The following DNAAF8 variants were observed in gnomAD, a reference collection of about 807,000 sequenced individuals.
The protein encoded by DNAAF8 is dynein axonemal-associated protein 1.
Under a neutral mutation model 54.6 loss-of-function variants are expected in DNAAF8, and 61 were observed. The observed-to-expected ratio is 1.12, with a 90% CI of 0.91 to 1.38. The LOEUF (loss-of-function observed/expected upper bound fraction) is 1.38, where lower values mean the gene tolerates loss of function less well. Among genes scored for constraint, DNAAF8 ranks in the 40% most tolerant of loss-of-function variants. The pLI, the probability that DNAAF8 is intolerant of heterozygous loss-of-function variation, is 0.00. For synonymous variants in DNAAF8, 320 were observed against 270.1 expected, an observed-to-expected ratio of 1.18 and a Z score of -1.81; for missense variants, 837 against 665.0, an observed-to-expected ratio of 1.26 and a Z score of -2.85.
intron 5 of DNAAF8, chr16:4,743,531 C>G (rs531102043): frequency 1.8e-5 from 3 of 170,562 alleles, no homozygotes; most frequent in African/African-American, 7.2e-5. Flanking sequence ...CTCCTAAGCA[C>G]GCTCCCGCTT....
At chr16:4,740,834 A>C (rs984203525) in intron 4 of DNAAF8, among the ~76,000 whole-genome samples, 175 bp downstream of exon 4, 3 of 152,128 alleles carry the variant, frequency 2.0e-5, no homozygotes, top group African/African-American at 7.2e-5. Flanking sequence ...CCAGCAGAGC[A>C]CATCCTGGGG....
At chr16:4,736,050 C>G (rs757798805) in intron 1 of DNAAF8, among the ~76,000 whole-genome samples, 2 of 151,964 alleles carry the variant, frequency 1.3e-5, no homozygotes, top group East Asian at 3.9e-4. Flanking sequence ...TCCACTGTTG[C>G]TATTTACTAA....
intron 7 of DNAAF8, 68 bp from the exon 8 acceptor site, chr16:4,746,859 A>C: frequency 7.2e-7 from 1 of 1,395,672 alleles, no homozygotes; most frequent in Non-Finnish European, 9.6e-7. Context: ...CGAGTGCTTC[A>C]AGCCCCAACA....
In DNAAF8 at chr16:4,745,013, T is replaced by C; in HGVS notation, c.1043+2T>C. 1 of 1,612,760 alleles carries C rather than the reference T, an allele frequency of 6.2e-7. No homozygotes were observed. Among genetic ancestry groups the C allele is most frequent in the Non-Finnish European group, 8.5e-7 (1 of 1,178,996 alleles). ...CAAAGAGGCAGATTCAGGAAGCAGG[T>C]GGGACTTGTAGCCAGGCCCGGCTCC... On this transcript the variant is annotated splice_donor_variant, in intron 6 of 9. Coordinates refer to ENST00000299320, the MANE Select transcript of DNAAF8 (RefSeq NM_139170.3). LOFTEE classifies it high-confidence loss of function.
At position 4,747,649 on chromosome 16, in the gene DNAAF8, G is replaced by A. The variant is rs745856757; in HGVS notation, c.*9+15G>A. The stretch of plus-strand genomic sequence containing the variant: ...AGCTGCCTCAGGTAGTGGGATCCCA[G>A]GAGTGGGCAGGGGCGGGCTGACTTG... On this transcript the variant is annotated intron_variant, in intron 9 of 9. Coordinates refer to ENST00000299320, the MANE Select transcript of DNAAF8 (RefSeq NM_139170.3). 6 of 1,586,772 alleles carry A rather than the reference G, an allele frequency of 3.8e-6. No homozygotes were observed. The East Asian group carries it at 1.1e-4, about 30-fold the overall frequency.
chr16:4,740,614 G>A lies in DNAAF8; in HGVS notation c.738G>A (p.Met246Ile). 6.2e-7 allele frequency: 1 copy of A among 1,611,586 alleles called. No homozygotes were observed. Among genetic ancestry groups the A allele is most frequent in the East Asian group, 2.2e-5 (1 of 44,880 alleles). The change falls in exon 4 of 10, where the codon ATG becomes ATA. Residue 246 changes from methionine to isoleucine, a missense_variant. Physicochemically the swap from Met to Ile is conservative, Grantham distance 10 (BLOSUM62 1). Transcript: ENST00000299320. ...CGGAGTCAGCTCCCAGATCCAAAATGCCCCTCGTGGAGCCTCCGGAGGGAC... is the reference window on the plus strand; with the variant it reads ...CGGAGTCAGCTCCCAGATCCAAAATACCCCTCGTGGAGCCTCCGGAGGGAC... ...HAAESAPRSK[M>I]PLVEPPEGPP...
At chr16:4,735,037 T>C (rs2081861449) in intron 1 of DNAAF8, 1 of 152,222 alleles carries the variant, frequency 6.6e-6, no homozygotes, top group South Asian at 2.1e-4. Context: ...GCTCCTCAAC[T>C]TGGCGTTCAG....
At chr16:4,747,215 G>A (rs1278230582) in intron 8 of DNAAF8, 128 bp from the exon 9 acceptor site, 6 of 1,297,566 alleles carry the variant, frequency 4.6e-6, no homozygotes, top group East Asian at 4.7e-5. Flanking sequence ...GCAGTGATGG[G>A]CTGCCTGAAT....
rs374072532 is a variant in DNAAF8, at chr16:4,745,002, C to G, written c.1034C>G (p.Ser345Ter). Reference protein sequence around the residue: ...DTPQDTKEADSGSRCASRKQG... With the variant: ...DTPQDTKEAD ...CCCCAGGACACCAAAGAGGCAGATT[C>G]AGGAAGCAGGTGGGACTTGTAGCCA... The change falls in exon 6 of 10, where the codon TCA (serine) becomes TGA (stop). Residue 345 changes from serine to a stop codon, truncating the protein, a stop_gained. Transcript: ENST00000299320. LOFTEE classifies it high-confidence loss of function. 1.2e-6 allele frequency: 2 copies of G among 1,613,330 alleles called. No homozygotes were observed. Among genetic ancestry groups the G allele is most frequent in the Non-Finnish European group, 1.7e-6 (2 of 1,179,422 alleles).
At position 4,745,013 on chromosome 16, in the gene DNAAF8, T is replaced by A. The variant is rs1050218123; in HGVS notation, c.1043+2T>A. On this transcript the variant is annotated splice_donor_variant, in intron 6 of 9. Coordinates refer to ENST00000299320, the MANE Select transcript of DNAAF8 (RefSeq NM_139170.3). LOFTEE classifies it high-confidence loss of function. ...CAAAGAGGCAGATTCAGGAAGCAGGTGGGACTTGTAGCCAGGCCCGGCTCC... is the reference window on the plus strand; with the variant it reads ...CAAAGAGGCAGATTCAGGAAGCAGGAGGGACTTGTAGCCAGGCCCGGCTCC... 5.6e-6 allele frequency: 9 copies of A among 1,612,642 alleles called. No individual in the cohort carries two copies. In the Admixed American group the frequency reaches 1.5e-4, roughly 27 times the overall value.
chr16:4,747,652 G>C lies in DNAAF8; in HGVS notation c.*9+18G>C, dbSNP rs760541942. On this transcript the variant is annotated intron_variant, in intron 9 of 9. Transcript: ENST00000299320. ...TGCCTCAGGTAGTGGGATCCCAGGA[G>C]TGGGCAGGGGCGGGCTGACTTGCCA... The C allele has an allele frequency of 5.7e-6, 9 of 1,582,196 alleles. No individual in the cohort carries two copies. The highest frequency in any genetic ancestry group is 2.7e-5 in the African/African-American group (2 of 74,110).
At chr16:4,746,871 G>C in intron 7 of DNAAF8, 56 bp from the exon 8 acceptor site, 1 of 1,440,486 alleles carries the variant, frequency 6.9e-7, no homozygotes, top group Non-Finnish European at 9.3e-7. Context: ...GCCCCAACAA[G>C]AGTTGGAACA....
At chr16:4,742,573 TGAA>T (rs1438686238) in intron 4 of DNAAF8, among the ~76,000 whole-genome samples, 6 of 125,104 alleles carry the variant, frequency 4.8e-5, no homozygotes, top group Admixed American at 1.6e-4. Context: ...AAAAAAAAAA[TGAA>T]GGGTGTGGTG....
chr16:4,739,390 G>A (rs974244730), intron 3 of DNAAF8, among the ~76,000 whole-genome samples: 2 of 146,680 alleles, frequency 1.4e-5, no homozygotes, highest in Non-Finnish European at 3.0e-5. Flanking sequence ...ACTCTAGCTT[G>A]GGGTATGAAT....
At chr16:4,748,433 G>C (rs1456635980) in intron 9 of DNAAF8, 1 of 152,106 alleles carries the variant, frequency 6.6e-6, no homozygotes, top group East Asian at 1.9e-4. Flanking sequence ...GGCACACATA[G>C]ATTCTCAAGG....
At position 4,737,677 on chromosome 16, in the gene DNAAF8, G is replaced by T. The variant is rs949441911; in HGVS notation, c.130-123G>T. 2.5e-5 allele frequency: 31 copies of T among 1,251,016 alleles called. No individual in the cohort carries two copies. In the Admixed American group the frequency reaches 2.7e-4, roughly 11 times the overall value. 77.5% of individuals were successfully genotyped at this position (1,251,016 alleles called of 1,614,324 possible). A position where few individuals can be genotyped will look rare whatever the true frequency, so the allele number is the denominator to read the frequency against. On this transcript the variant is annotated intron_variant, in intron 2 of 9. Coordinates refer to ENST00000299320, the MANE Select transcript of DNAAF8 (RefSeq NM_139170.3). ...AGGCTCCTGAGCAGCAGGGCTGGACGGGCTGGATGGGCTGGGCGGGCTGGG... is the reference window on the plus strand; with the variant it reads ...AGGCTCCTGAGCAGCAGGGCTGGACTGGCTGGATGGGCTGGGCGGGCTGGG...
rs759601408 is a variant in DNAAF8, at chr16:4,744,971, G to A, written c.1003G>A (p.Asp335Asn). 15 of 1,613,880 alleles carry A rather than the reference G, an allele frequency of 9.3e-6. No individual in the cohort carries two copies. The highest frequency in any genetic ancestry group is 2.2e-5 in the East Asian group (1 of 44,890). ...TGCTTGTGCCCGGAAGGTGCCTGCC[G>A]ACACTCCCCAGGACACCAAAGAGGC... is the stretch of plus-strand genomic sequence containing the variant. Reference protein sequence around the residue: ...ASACARKVPADTPQDTKEADS... With the variant: ...ASACARKVPANTPQDTKEADS... The change falls in exon 6 of 10, where the codon GAC becomes AAC. Residue 335 changes from aspartate (D) to asparagine (N), a missense_variant. Physicochemically the swap from Asp to Asn is conservative, Grantham distance 23. Coordinates refer to ENST00000299320, the MANE Select transcript of DNAAF8 (RefSeq NM_139170.3).
intron 3 of DNAAF8, among the ~76,000 whole-genome samples, chr16:4,739,660 C>T (rs974360771): frequency 1.3e-5 from 2 of 151,480 alleles, no homozygotes; most frequent in Non-Finnish European, 2.9e-5. Context: ...GCGATCCTCC[C>T]ACTTCAGCCT....
chr16:4,742,589 G>A lies in DNAAF8; in HGVS notation c.784-454G>A, dbSNP rs150386049. 7.0e-3 allele frequency among the ~76,000 whole-genome samples: 1,049 copies of A among 150,762 alleles called. 15 individuals carry two copies. The highest frequency in any genetic ancestry group is 0.024 in the African/African-American group (983 of 41,086). On this transcript the variant is annotated intron_variant, in intron 4 of 9. Transcript: ENST00000299320. ...AAAAAAAAATGAAGGGTGTGGTGGC[G>A]CATGCCTGTAATTCCAGCTACTTGG...
Sources: allele counts gnomAD v4.1 joint callset (sites outside exome capture counted in the v4.1 genomes callset), GRCh38; gene constraint gnomAD v4.1.1; transcripts MANE v1.5; gene names NCBI Gene and HGNC (gene_info 2026-07-23, HGNC 2026-07-21).